Variants in SRGAP3 observed in about 807,000 individuals in gnomAD.
SRGAP3 encodes the protein SLIT-ROBO Rho GTPase-activating protein 3.
A neutral mutation model predicts 121.1 loss-of-function variants in SRGAP3; 39 were observed. That is an observed-to-expected ratio of 0.32 (90% CI 0.25 to 0.42). The LOEUF (loss-of-function observed/expected upper bound fraction) is 0.42. SRGAP3 is among the 10% of genes least tolerant of loss of function. The pLI, the probability that SRGAP3 is intolerant of heterozygous loss-of-function variation, is 1.00. For missense variants in SRGAP3, 1,213 were observed against 1,470.6 expected, an observed-to-expected ratio of 0.82 and a Z score of 2.86; for synonymous variants, 601 against 570.0, an observed-to-expected ratio of 1.05 and a Z score of -0.77.
intron 2 of SRGAP3, among the ~76,000 whole-genome samples, chr3:9,327,937 C>T (rs761325852): frequency 6.6e-6 from 1 of 152,166 alleles, no homozygotes; most frequent in Admixed American, 6.5e-5. Context: ...TCTTCATAAC[C>T]TTCTTTGCAT....
chr3:9,343,613 T>C (rs1039184279), intron 1 of SRGAP3, among the ~76,000 whole-genome samples: 5 of 152,152 alleles, frequency 3.3e-5, no homozygotes, highest in Non-Finnish European at 7.3e-5. Flanking sequence ...AGCCATTTTC[T>C]ATGAATAGGC....
intron 3 of SRGAP3, among the ~76,000 whole-genome samples, chr3:9,274,576 T>C (rs1047633335): frequency 3.0e-4 from 46 of 152,300 alleles, no homozygotes; most frequent in African/African-American, 1.0e-3. Context: ...TGAGGACAGC[T>C]TAAGTGTTAA....
At chr3:9,104,154 G>A (rs1271816286) in intron 3 of SRGAP3, among the ~76,000 whole-genome samples, 1 of 152,186 alleles carries the variant, frequency 6.6e-6, no homozygotes, top group African/African-American at 2.4e-5. Flanking sequence ...GTGGGAAAAT[G>A]TAATAGAGTG....
At chr3:9,343,413 A>T (rs535543608) in intron 1 of SRGAP3, among the ~76,000 whole-genome samples, 1 of 152,164 alleles carries the variant, frequency 6.6e-6, no homozygotes, top group African/African-American at 2.4e-5. Context: ...GAACTACTAC[A>T]ACAATCTCTC....
intron 3 of SRGAP3, chr3:9,257,059 C>A (rs1366540014): frequency 2.6e-6 from 1 of 391,340 alleles, no homozygotes; most frequent in Non-Finnish European, 4.5e-6. Context: ...TTATCTATTC[C>A]TCAGTTAGTT....
At chr3:8,986,393 A>C (rs1941710450) in intron 21 of SRGAP3, among the ~76,000 whole-genome samples, 1 of 152,238 alleles carries the variant, frequency 6.6e-6, no homozygotes, top group African/African-American at 2.4e-5. Flanking sequence ...GCACTCAAAA[A>C]TACGAATGAC....
intron 1 of SRGAP3, among the ~76,000 whole-genome samples, chr3:9,159,022 T>G (rs398192): frequency 0.54 from 81,469 of 151,980 alleles, 23,834 homozygotes; most frequent in Non-Finnish European, 0.66. Flanking sequence ...GGAGCTCCTC[T>G]GATACCAGTT....
chr3:9,075,390 T>TGC (rs767835263), intron 4 of SRGAP3, among the ~76,000 whole-genome samples: 24 of 148,614 alleles, frequency 1.6e-4, no homozygotes, highest in Middle Eastern at 3.4e-3. Context: ...TGTGTGTGTG[T>TGC]GCGCGCGCAC....
rs1306473011 is a variant in SRGAP3 at position 8,982,911 on chromosome 3, G to C, written c.*2608C>G. ...CCTCAGAAAATTCAGTGAAAGGCAGGTCCATTTTCAGTAAGAAAAAAACAA... is the reference window on the plus strand; with the variant it reads ...CCTCAGAAAATTCAGTGAAAGGCAGCTCCATTTTCAGTAAGAAAAAAACAA... On this transcript the variant is annotated 3_prime_UTR_variant, in exon 22 of 22. Coordinates refer to ENST00000383836, the MANE Select transcript of SRGAP3 (RefSeq NM_014850.4). 1 of 228,930 alleles carries C rather than the reference G, an allele frequency of 4.4e-6. No homozygotes were observed. Among genetic ancestry groups the C allele is most frequent in the Non-Finnish European group, 8.6e-6 (1 of 115,646 alleles). The allele number at this position is 228,930 out of a possible 1,614,324, so 14.2% of individuals were successfully genotyped here. A position where few individuals can be genotyped will look rare whatever the true frequency, so the allele number is the denominator to read the frequency against.
intron 10 of SRGAP3, among the ~76,000 whole-genome samples, chr3:9,042,178 A>G (rs1344514961): frequency 2.0e-5 from 3 of 152,102 alleles, no homozygotes; most frequent in Admixed American, 6.5e-5. Flanking sequence ...ACCTAATATC[A>G]AAAAGATTAT....
At chr3:9,055,326 T>C (rs2125170248) in intron 8 of SRGAP3, among the ~76,000 whole-genome samples, 1 of 152,328 alleles carries the variant, frequency 6.6e-6, no homozygotes, top group African/African-American at 2.4e-5. Flanking sequence ...ACCTCCCCCA[T>C]GACTGCACTT....
intron 1 of SRGAP3, among the ~76,000 whole-genome samples, chr3:9,232,775 T>C (rs1953262737): frequency 6.6e-6 from 1 of 152,094 alleles, no homozygotes; most frequent in Non-Finnish European, 1.5e-5. Context: ...AGGTCTGGGG[T>C]GGTTCCTAGA....
intron 1 of SRGAP3, among the ~76,000 whole-genome samples, chr3:9,219,771 A>C (rs1952745876): frequency 6.6e-6 from 1 of 152,164 alleles, no homozygotes; most frequent in Non-Finnish European, 1.5e-5. Flanking sequence ...GAATGGTGTG[A>C]ACCCGGGAGG....
intron 19 of SRGAP3, chr3:8,993,973 G>A: frequency 3.3e-6 from 1 of 300,352 alleles, no homozygotes; most frequent in Non-Finnish European, 6.4e-6. Flanking sequence ...CATCCCCTAA[G>A]AGAGCTACCT....
intron 3 of SRGAP3, among the ~76,000 whole-genome samples, chr3:9,306,365 C>T (rs1343093244): frequency 1.3e-5 from 2 of 152,110 alleles, no homozygotes; most frequent in Admixed American, 6.5e-5. Flanking sequence ...CTGTAGGTTG[C>T]CTGTTCACTC....
At chr3:9,027,920 A>G (rs1200539613) in intron 12 of SRGAP3, among the ~76,000 whole-genome samples, 1 of 152,204 alleles carries the variant, frequency 6.6e-6, no homozygotes, top group African/African-American at 2.4e-5. Flanking sequence ...ATGGATTTGG[A>G]TATGTTCTTG....
intron 3 of SRGAP3, among the ~76,000 whole-genome samples, chr3:9,317,353 G>T (rs17802092): frequency 0.083 from 12,581 of 152,226 alleles, 618 homozygotes; most frequent in Middle Eastern, 0.16. Flanking sequence ...GAAGTTCACC[G>T]GCTCCATGAA....
At chr3:9,106,772 ACTT>A (rs1948432643) in intron 2 of SRGAP3, among the ~76,000 whole-genome samples, 5 of 151,840 alleles carry the variant, frequency 3.3e-5, no homozygotes, top group Admixed American at 3.3e-4. Flanking sequence ...GTCCAATTAA[ACTT>A]CTTTTTCTTC....
intron 3 of SRGAP3, among the ~76,000 whole-genome samples, chr3:9,310,797 TAGA>T (rs1305163361): frequency 6.6e-6 from 1 of 152,188 alleles, no homozygotes; most frequent in Non-Finnish European, 1.5e-5. Context: ...TTTTCAATTA[TAGA>T]AGGTGATAAT....
Sources: gnomAD v4.1 joint callset for allele counts (sites outside exome capture counted in the v4.1 genomes callset) on GRCh38, gnomAD v4.1.1 for gene constraint, MANE v1.5 for transcripts, NCBI Gene and HGNC (gene_info 2026-07-23, HGNC 2026-07-21) for gene names.